WWP2: variants seen among roughly 807,000 people sequenced by gnomAD.
WWP2 encodes the protein WW domain containing E3 ubiquitin protein ligase 2, also known as NEDD4-like E3 ubiquitin-protein ligase WWP2.
A neutral mutation model predicts 121.0 loss-of-function variants in WWP2; 57 were observed. That is an observed-to-expected ratio of 0.47 (90% CI 0.38 to 0.59). WWP2 has a LOEUF of 0.59. Ranked by LOEUF, WWP2 falls within the 20% of genes least tolerant of loss-of-function variation. The probability of loss-of-function intolerance (pLI) is 0.00; values close to 1 mark genes in which losing one functional copy is unlikely to be tolerated. For synonymous variants in WWP2, 449 were observed against 441.3 expected, an observed-to-expected ratio of 1.02 and a Z score of -0.22; for missense variants, 962 against 1,158.9, an observed-to-expected ratio of 0.83 and a Z score of 2.47.
chr16:69,798,285 T>A (rs933806721), intron 2 of WWP2, among the ~76,000 whole-genome samples: 2 of 152,188 alleles, frequency 1.3e-5, no homozygotes, highest in African/African-American at 4.8e-5. Context: ...TTGCAAGCAG[T>A]CTATTCGACA....
At position 69,799,367 on chromosome 16, in the gene WWP2, A is replaced by G; in HGVS notation, c.340+72A>G. ...GGAGGACCTGGCAGATCAACCTGGT[A>G]TTGCAATTTCCCCCAGGACTAGGGG... On this transcript the variant is annotated intron_variant, in intron 4 of 23. Coordinates refer to ENST00000359154, the MANE Select transcript of WWP2 (RefSeq NM_001270454.2). This position sits in a 1 kb window ranked among gnomAD's most constrained non-coding sequence, Gnocchi z 4.5. 1 of 1,562,150 alleles carries G rather than the reference A, an allele frequency of 6.4e-7. No homozygotes were observed. The highest frequency in any genetic ancestry group is 8.7e-7 in the Non-Finnish European group (1 of 1,153,570).
At chr16:69,919,800 T>C (rs571471141) in intron 10 of WWP2, among the ~76,000 whole-genome samples, 22 of 151,114 alleles carry the variant, frequency 1.5e-4, no homozygotes, top group African/African-American at 5.1e-4. Flanking sequence ...TTTTTTTTTT[T>C]TTTTTTTTGA....
At position 69,931,158 on chromosome 16, in the gene WWP2, G is replaced by A; in HGVS notation, c.1452G>A (p.Lys484=). 1 of 1,614,146 alleles carries A rather than the reference G, an allele frequency of 6.2e-7. No homozygotes were observed. The highest frequency in any genetic ancestry group is 8.5e-7 in the Non-Finnish European group (1 of 1,180,022). Residue 484 remains lysine, a synonymous_variant, in exon 14 of 24, where the codon AAG becomes AAA. Coordinates refer to ENST00000359154, the MANE Select transcript of WWP2 (RefSeq NM_001270454.2). ...ACATCTTTGCTCTTCCTAGGACGAA[G>A]CAAGGTTCCCCTGGTGCTTATGACC... ...DPRPGFESGT[K]QGSPGAYDRS...
In WWP2 at chr16:69,888,722, A is replaced by T. The variant is rs542249767; in HGVS notation, c.914+473A>T. 1.9e-4 allele frequency among the ~76,000 whole-genome samples: 28 copies of T among 147,344 alleles called. No individual in the cohort carries two copies. The South Asian group carries it at 5.3e-3, about 28-fold the overall frequency. ...TTTCTTGCCATCCTTTTTTTTTTTT[A>T]GAGATGGAGTCTTAATCTGTCACCC... On this transcript the variant is annotated intron_variant, in intron 8 of 23. Coordinates refer to ENST00000359154, the MANE Select transcript of WWP2 (RefSeq NM_001270454.2).
At chr16:69,773,926 G>T (rs1280905297) in intron 1 of WWP2, among the ~76,000 whole-genome samples, 1 of 152,108 alleles carries the variant, frequency 6.6e-6, no homozygotes, top group Non-Finnish European at 1.5e-5. Context: ...TAAACCAGTG[G>T]TCCTCAACCC....
intron 10 of WWP2, among the ~76,000 whole-genome samples, chr16:69,923,844 T>C (rs2058599523): frequency 6.6e-6 from 1 of 152,222 alleles, no homozygotes; most frequent in South Asian, 2.1e-4. Flanking sequence ...TTTAATGTGT[T>C]AACTACAAAA....
Position 69,920,728 on chromosome 16 carries a change from A to C in WWP2, c.1179+2845A>C, listed in dbSNP as rs933415868. Among the ~76,000 whole-genome samples the C allele has an allele frequency of 4.6e-5, 7 of 152,126 alleles. 1 individual carries two copies. Among genetic ancestry groups the C allele is most frequent in the Admixed American group, 4.6e-4 (7 of 15,268 alleles). On this transcript the variant is annotated intron_variant, in intron 10 of 23. Coordinates refer to ENST00000359154, the MANE Select transcript of WWP2 (RefSeq NM_001270454.2). ...CTTGAGCCCAGGAGTTTGAGGCTGC[A>C]GTGACCTATAATAGTGCCACTGCAC...
At position 69,837,648 on chromosome 16, in the gene WWP2, AG is replaced by A. The variant is rs575523125; in HGVS notation, c.341-2476del. 2.6e-5 allele frequency among the ~76,000 whole-genome samples: 4 copies of A among 152,220 alleles called. No homozygotes were observed. The East Asian group carries it at 7.7e-4, about 29-fold the overall frequency. The stretch of plus-strand genomic sequence containing the variant: ...GAACATTATCAGTCCTCCAGGAAGG[AG>A]GAAAAAAAAGTGCCAACACTCCATT... On this transcript the variant is annotated intron_variant, in intron 4 of 23. Coordinates refer to ENST00000359154, the MANE Select transcript of WWP2 (RefSeq NM_001270454.2).
intron 4 of WWP2, among the ~76,000 whole-genome samples, chr16:69,802,618 T>G (rs1278605826): frequency 1.6e-5 from 2 of 124,676 alleles, no homozygotes; most frequent in Non-Finnish European, 3.5e-5. Context: ...TTTTTTTTTT[T>G]GAGACAGGGT....
At chr16:69,845,019 G>A (rs908439983) in intron 6 of WWP2, among the ~76,000 whole-genome samples, 1 of 152,212 alleles carries the variant, frequency 6.6e-6, no homozygotes, top group Admixed American at 6.5e-5. Context: ...TGGCCAAGGA[G>A]TCTATTGGAT....
chr16:69,813,370 C>G (rs1420808059), intron 4 of WWP2, among the ~76,000 whole-genome samples: 1 of 152,222 alleles, frequency 6.6e-6, no homozygotes, highest in Non-Finnish European at 1.5e-5. Context: ...CCATGTTGGT[C>G]AGGCTGGTCT....
intron 6 of WWP2, among the ~76,000 whole-genome samples, chr16:69,855,004 C>T (rs1209018222): frequency 6.6e-6 from 1 of 152,082 alleles, no homozygotes; most frequent in African/African-American, 2.4e-5. Flanking sequence ...TACAGGTGTG[C>T]ACCACCACAG....
chr16:69,774,773 C>A (rs1206735194), intron 1 of WWP2: 1 of 151,988 alleles, frequency 6.6e-6, no homozygotes, highest in Non-Finnish European at 1.5e-5. Context: ...AGTTCAAGAC[C>A]AGTCTGGACA....
intron 6 of WWP2, among the ~76,000 whole-genome samples, chr16:69,863,686 A>G (rs1350699416): frequency 6.6e-6 from 1 of 152,148 alleles, no homozygotes; most frequent in Admixed American, 6.5e-5. Flanking sequence ...AGAAAGTTTC[A>G]TCACCCCAGA....
At chr16:69,831,826 C>CTTTTTTTTTTTTTTTTTTTT (rs1567691338) in intron 4 of WWP2, among the ~76,000 whole-genome samples, 1 of 146,326 alleles carries the variant, frequency 6.8e-6, no homozygotes, top group African/African-American at 2.6e-5. Context: ...AAAAACAAAA[C>CTTTTTTTTTTTTTTTTTTTT]CTTTTTTTTT....
chr16:69,924,502 AC>A (rs2151980840), intron 10 of WWP2, among the ~76,000 whole-genome samples: 1 of 152,022 alleles, frequency 6.6e-6, no homozygotes, highest in East Asian at 1.9e-4. Context: ...CTTTTTGACA[AC>A]ACCCCCCTTC....
intron 2 of WWP2, among the ~76,000 whole-genome samples, chr16:69,792,828 AC>A (rs2055941789): frequency 6.6e-6 from 1 of 152,118 alleles, no homozygotes; most frequent in African/African-American, 2.4e-5. Context: ...AGTAACTGGA[AC>A]TACAGGTGTG....
Position 69,892,502 on chromosome 16 carries a change from C to T in WWP2, c.914+4253C>T, listed in dbSNP as rs77757767. Reference sequence around the variant, plus strand: ...GACCAAATTACCATGATCTGTCACTCGAGTGACTGTTCTTACCCTTTCCCA... The same window carrying T: ...GACCAAATTACCATGATCTGTCACTTGAGTGACTGTTCTTACCCTTTCCCA... On this transcript the variant is annotated intron_variant, in intron 8 of 23. Coordinates refer to ENST00000359154, the MANE Select transcript of WWP2 (RefSeq NM_001270454.2). Among the ~76,000 whole-genome samples, 293 of 152,260 alleles carry T rather than the reference C, an allele frequency of 1.9e-3. 5 individuals are homozygous for T. The East Asian group carries it at 0.039, about 20-fold the overall frequency.
In WWP2 at chr16:69,931,227, T is replaced by C. The variant is rs746379715; in HGVS notation, c.1521T>C (p.His507=). 15 of 1,613,996 alleles carry C rather than the reference T, an allele frequency of 9.3e-6. No individual in the cohort carries two copies. The highest frequency in any genetic ancestry group is 8.0e-5 in the African/African-American group (6 of 74,916). The change falls in exon 14 of 24, where the codon CAT becomes CAC. Residue 507 remains histidine, a splice_region_variant and synonymous_variant. Coordinates refer to ENST00000359154, the MANE Select transcript of WWP2 (RefSeq NM_001270454.2). ...ATCACCAGTTCCGTTTCCTCTGCCATGTGAGTTCTGGTACTGGGGCTCCCG... is the reference window on the plus strand; with the variant it reads ...ATCACCAGTTCCGTTTCCTCTGCCACGTGAGTTCTGGTACTGGGGCTCCCG... ...WKYHQFRFLC[H]SNALPSHVKI... is the part of the protein sequence containing the mutation.
Sources: allele counts gnomAD v4.1 joint callset (sites outside exome capture counted in the v4.1 genomes callset), GRCh38; gene constraint gnomAD v4.1.1; non-coding constraint Gnocchi (gnomAD v3.1); transcripts MANE v1.5; gene names NCBI Gene and HGNC (gene_info 2026-07-23, HGNC 2026-07-21).